The following CNTN3 variants were observed in gnomAD, a reference collection of about 807,000 sequenced individuals.
CNTN3 encodes contactin-3.
Under a neutral mutation model 119.1 loss-of-function variants are expected in CNTN3, and 60 were observed. The observed-to-expected ratio is 0.50, with a 90% CI of 0.41 to 0.62. The LOEUF (loss-of-function observed/expected upper bound fraction) is 0.62, where lower values mean the gene tolerates loss of function less well. Ranked by LOEUF, CNTN3 falls within the 20% of genes least tolerant of loss-of-function variation. The pLI, the probability that CNTN3 is intolerant of heterozygous loss-of-function variation, is 0.00. For synonymous variants in CNTN3, 450 were observed against 438.7 expected (o/e 1.03, Z -0.32); for missense variants, 1,101 against 1,242.4 (o/e 0.89, Z 1.71).
intron 1 of CNTN3, among the ~76,000 whole-genome samples, chr3:74,525,919 T>C (rs1025809534): frequency 2.0e-5 from 3 of 151,890 alleles, no homozygotes; most frequent in Admixed American, 6.6e-5. Context: ...GAAATATTGA[T>C]ATGTATTTAT....
chr3:74,411,391 A>G (rs908247645), intron 5 of CNTN3, among the ~76,000 whole-genome samples: 1 of 152,142 alleles, frequency 6.6e-6, no homozygotes, highest in South Asian at 2.1e-4. Flanking sequence ...TGCTGCTCAG[A>G]ACATCCGGTC....
At chr3:74,299,640 G>C (rs1425696878) in intron 17 of CNTN3, among the ~76,000 whole-genome samples, 1 of 152,096 alleles carries the variant, frequency 6.6e-6, no homozygotes, top group Non-Finnish European at 1.5e-5. Flanking sequence ...ATGGCTCAGA[G>C]AAAGTATCAA....
intron 4 of CNTN3, 117 bp downstream of exon 4, chr3:74,486,339 G>C: frequency 1.1e-6 from 1 of 882,456 alleles, no homozygotes; most frequent in East Asian, 2.6e-5. Context: ...TGCTTTCTCA[G>C]TCTATTTACT....
At chr3:74,512,425 G>T (rs1575797789) in intron 2 of CNTN3, among the ~76,000 whole-genome samples, 2 of 152,022 alleles carry the variant, frequency 1.3e-5, no homozygotes, top group East Asian at 3.9e-4. Flanking sequence ...GGGGGAAAAG[G>T]GGGAATCAGT....
chr3:74,606,847 C>T (rs77093703), intron 1 of CNTN3, among the ~76,000 whole-genome samples: 15,563 of 152,058 alleles, frequency 0.1, 1,719 homozygotes, highest in African/African-American at 0.26. Context: ...AATGTTGCCA[C>T]TAAAGTTTAC....
At chr3:74,479,067 T>C (rs913552249) in intron 4 of CNTN3, among the ~76,000 whole-genome samples, 7 of 152,090 alleles carry the variant, frequency 4.6e-5, no homozygotes, top group Non-Finnish European at 8.8e-5. Flanking sequence ...AGAAGGAAAT[T>C]TGAAGAGACT....
chr3:74,459,139 C>G (rs1702320521), intron 4 of CNTN3, among the ~76,000 whole-genome samples: 1 of 152,024 alleles, frequency 6.6e-6, no homozygotes, highest in Non-Finnish European at 1.5e-5. Flanking sequence ...CCTCTTATCT[C>G]TGCCTTGTAT....
At position 74,614,557 on chromosome 3, in the gene CNTN3, C is replaced by G. The variant is rs1028503037; in HGVS notation, c.-247G>C. Among the ~76,000 whole-genome samples the G allele has an allele frequency of 1.4e-5, 2 of 147,720 alleles. No individual in the cohort carries two copies. Among genetic ancestry groups the G allele is most frequent in the Non-Finnish European group, 3.0e-5 (2 of 66,456 alleles). On this transcript the variant is annotated 5_prime_UTR_variant, in exon 1 of 23. Transcript: ENST00000263665. ...CGCAGGCGCAGCACCCTCGTCCGCA[C>G]GGTTCCCGGCCCAGTCCACGGCGCC...
chr3:74,416,338 T>C (rs1575704100), intron 5 of CNTN3, among the ~76,000 whole-genome samples: 1 of 152,360 alleles, frequency 6.6e-6, no homozygotes, highest in Admixed American at 6.5e-5. Flanking sequence ...CCTTCTTAAA[T>C]ACTCACAATG....
chr3:74,507,587 T>G (rs1703285743), intron 2 of CNTN3, among the ~76,000 whole-genome samples: 1 of 151,486 alleles, frequency 6.6e-6, no homozygotes, highest in South Asian at 2.1e-4. Context: ...CACCATCTAC[T>G]TCTCCCTCCC....
At chr3:74,275,165 C>A (rs1701856412) in intron 20 of CNTN3, among the ~76,000 whole-genome samples, 1 of 152,030 alleles carries the variant, frequency 6.6e-6, no homozygotes, top group Non-Finnish European at 1.5e-5. Context: ...ATTAAACAAC[C>A]AAACTTAAGA....
chr3:74,533,252 C>T (rs1703717900), intron 1 of CNTN3, among the ~76,000 whole-genome samples: 3 of 152,004 alleles, frequency 2.0e-5, no homozygotes, highest in African/African-American at 2.4e-5. Flanking sequence ...AAACCAACTG[C>T]GTACTACCAC....
chr3:74,559,205 C>G (rs1009718684), intron 1 of CNTN3, among the ~76,000 whole-genome samples: 1 of 152,038 alleles, frequency 6.6e-6, no homozygotes, highest in Admixed American at 6.6e-5. Flanking sequence ...TACCTTGGAC[C>G]TCCCTTTTCT....
intron 3 of CNTN3, among the ~76,000 whole-genome samples, chr3:74,493,904 A>G (rs541537228): frequency 1.7e-4 from 26 of 152,280 alleles, no homozygotes; most frequent in South Asian, 4.1e-4. Flanking sequence ...GTTTTATGAT[A>G]TAGATTCCCA....
At chr3:74,299,114 G>C (rs950595738) in intron 17 of CNTN3, among the ~76,000 whole-genome samples, 2 of 151,924 alleles carry the variant, frequency 1.3e-5, no homozygotes, top group African/African-American at 2.4e-5. Context: ...AGGTTGAGGT[G>C]GGAGAATCAC....
intron 5 of CNTN3, among the ~76,000 whole-genome samples, chr3:74,406,827 C>T (rs940833535): frequency 3.3e-5 from 5 of 152,006 alleles, no homozygotes; most frequent in Non-Finnish European, 4.4e-5. Context: ...CCTCTCATTG[C>T]TAGTAATTAT....
chr3:74,369,847 C>A, intron 7 of CNTN3, 42 bp downstream of exon 7: 4 of 1,024,260 alleles, frequency 3.9e-6, no homozygotes, highest in Non-Finnish European at 6.0e-6. Context: ...CTTATAGCAA[C>A]CTAATATTTC....
intron 13 of CNTN3, among the ~76,000 whole-genome samples, chr3:74,329,122 A>T (rs1327324000): frequency 6.6e-6 from 1 of 152,190 alleles, no homozygotes; most frequent in East Asian, 1.9e-4. Flanking sequence ...ATCAAGTCAA[A>T]GTGGCCACTT....
intron 22 of CNTN3, among the ~76,000 whole-genome samples, chr3:74,265,492 A>T (rs1701646657): frequency 6.6e-6 from 1 of 152,184 alleles, no homozygotes; most frequent in African/African-American, 2.4e-5. Flanking sequence ...AAGTGCATAC[A>T]GTTTTAGAGA....
Sources: gnomAD v4.1 joint callset for allele counts (sites outside exome capture counted in the v4.1 genomes callset) on GRCh38, gnomAD v4.1.1 for gene constraint, MANE v1.5 for transcripts, NCBI Gene and HGNC (gene_info 2026-07-23, HGNC 2026-07-21) for gene names.